ISX: variants seen among roughly 807,000 people sequenced by gnomAD.
ISX encodes the protein intestine-specific homeobox.
Under a neutral mutation model 16.9 loss-of-function variants are expected in ISX, and 15 were observed. The observed-to-expected ratio is 0.89, with a 90% CI of 0.59 to 1.36. The LOEUF (loss-of-function observed/expected upper bound fraction) is 1.36, where lower values mean the gene tolerates loss of function less well. Among genes scored for constraint, ISX ranks in the 40% most tolerant of loss-of-function variants. The pLI, the probability that ISX is intolerant of heterozygous loss-of-function variation, is 0.00. For missense variants in ISX, 316 were observed against 306.1 expected (o/e 1.03, Z -0.24); for synonymous variants, 125 against 119.7 (o/e 1.04, Z -0.29).
rs536527052 is a variant in ISX, at chr22:35,071,288, T to C, written c.229+3972T>C. 3.0e-4 allele frequency among the ~76,000 whole-genome samples: 45 copies of C among 152,384 alleles called. 1 individual carries two copies. The South Asian group carries it at 8.7e-3, about 29-fold the overall frequency. On this transcript the variant is annotated intron_variant, in intron 2 of 4. Transcript: ENST00000404699. ...TCTTCCTCCCTGTATTAATTTTCTA[T>C]GGCTGTTGTAACAAATTACCACAAC...
chr22:35,075,387 ACAT>A (rs1463866400), intron 2 of ISX, among the ~76,000 whole-genome samples: 1 of 152,242 alleles, frequency 6.6e-6, no homozygotes, highest in Non-Finnish European at 1.5e-5. Flanking sequence ...TTATATATGC[ACAT>A]CAGCATTTTT....
chr22:35,085,225 G>T (rs1333736523), intron 4 of ISX, among the ~76,000 whole-genome samples: 1 of 152,118 alleles, frequency 6.6e-6, no homozygotes, highest in Non-Finnish European at 1.5e-5. Flanking sequence ...CTCAAGCCAG[G>T]TTTTAAATCC....
At chr22:35,076,518 C>T (rs1484400022) in intron 2 of ISX, among the ~76,000 whole-genome samples, 1 of 152,166 alleles carries the variant, frequency 6.6e-6, no homozygotes, top group African/African-American at 2.4e-5. Flanking sequence ...CTTCGTGTGT[C>T]AGGAGGTGTC....
At chr22:35,078,762 C>G (rs1929053143) in intron 2 of ISX, among the ~76,000 whole-genome samples, 1 of 152,274 alleles carries the variant, frequency 6.6e-6, no homozygotes, top group Admixed American at 6.5e-5. Flanking sequence ...ACTGAGGCAA[C>G]CGGGCCTGGT....
At chr22:35,078,046 C>T (rs1294092042) in intron 2 of ISX, among the ~76,000 whole-genome samples, 2 of 152,102 alleles carry the variant, frequency 1.3e-5, no homozygotes, top group Non-Finnish European at 2.9e-5. Context: ...ATTTCATTTC[C>T]TGTATTCTGG....
At chr22:35,069,022 A>C (rs1379724213) in intron 2 of ISX, among the ~76,000 whole-genome samples, 2 of 152,206 alleles carry the variant, frequency 1.3e-5, no homozygotes, top group Non-Finnish European at 1.5e-5. Context: ...GGAATTCGGC[A>C]TTTCTGAAAG....
intron 3 of ISX, among the ~76,000 whole-genome samples, chr22:35,083,438 G>A (rs188720040): frequency 6.8e-4 from 103 of 152,258 alleles, no homozygotes; most frequent in South Asian, 1.4e-3. Flanking sequence ...TCTCTTCACC[G>A]CAGTTTATTG....
At position 35,085,667 on chromosome 22, in the gene ISX, G is replaced by A. The variant is rs200613012; in HGVS notation, c.712G>A (p.Gly238Ser). ...CILPPPHPKWGSICATST is the reference protein window; with the variant it reads ...CILPPPHPKWSSICATST ...CCTTCCACCTCCACACCCCAAATGGGGCAGCATCTGTGCTACTTCAACATA... is the reference window on the plus strand; with the variant it reads ...CCTTCCACCTCCACACCCCAAATGGAGCAGCATCTGTGCTACTTCAACATA... The change falls in exon 5 of 5, where the codon GGC becomes AGC. Residue 238 changes from glycine to serine, a missense_variant. Gly to Ser is a moderately conservative substitution (Grantham distance 56). Coordinates refer to ENST00000404699, the MANE Select transcript of ISX (RefSeq NM_001303508.2). 1.2e-6 allele frequency: 2 copies of A among 1,614,120 alleles called. No homozygotes were observed. Among genetic ancestry groups the A allele is most frequent in the East Asian group, 4.5e-5 (2 of 44,872 alleles).
chr22:35,072,175 C>T (rs1422132748), intron 2 of ISX, among the ~76,000 whole-genome samples: 3 of 152,188 alleles, frequency 2.0e-5, no homozygotes, highest in Non-Finnish European at 4.4e-5. Context: ...GACCTTCCTA[C>T]AGGGATACCT....
intron 2 of ISX, among the ~76,000 whole-genome samples, chr22:35,074,561 C>T (rs1044652501): frequency 6.6e-6 from 1 of 152,196 alleles, no homozygotes; most frequent in African/African-American, 2.4e-5. Context: ...AATGTCTATT[C>T]CTCCTGTTTG....
intron 2 of ISX, among the ~76,000 whole-genome samples, chr22:35,069,827 T>C (rs1405993617): frequency 6.6e-6 from 1 of 152,180 alleles, no homozygotes; most frequent in Non-Finnish European, 1.5e-5. Flanking sequence ...GAGGAATAAG[T>C]TCCTCTTTGT....
At chr22:35,077,922 C>A (rs1929027333) in intron 2 of ISX, among the ~76,000 whole-genome samples, 1 of 152,154 alleles carries the variant, frequency 6.6e-6, no homozygotes, top group African/African-American at 2.4e-5. Flanking sequence ...ATTATAGATT[C>A]TATTCTTAGT....
intron 2 of ISX, among the ~76,000 whole-genome samples, chr22:35,080,178 G>A (rs1929091668): frequency 2.0e-5 from 3 of 152,070 alleles, no homozygotes; most frequent in Admixed American, 6.6e-5. Flanking sequence ...ACATGGTGAA[G>A]GCACCGCAAA....
intron 2 of ISX, among the ~76,000 whole-genome samples, chr22:35,077,547 T>G (rs897149064): frequency 2.6e-5 from 4 of 152,114 alleles, no homozygotes; most frequent in Admixed American, 6.5e-5. Context: ...CTCACCAGTA[T>G]GAATTTTAGG....
At chr22:35,084,071 G>A (rs996292236) in intron 3 of ISX, among the ~76,000 whole-genome samples, 1 of 152,264 alleles carries the variant, frequency 6.6e-6, no homozygotes, top group African/African-American at 2.4e-5. Context: ...ATTTCCACGT[G>A]GTGACTGTTG....
chr22:35,073,786 A>G (rs1218808882), intron 2 of ISX, among the ~76,000 whole-genome samples: 2 of 152,242 alleles, frequency 1.3e-5, no homozygotes, highest in East Asian at 3.8e-4. Context: ...TCTAGGAGCC[A>G]GAAAGGAGCC....
At chr22:35,067,826 C>T (rs1928742686) in intron 2 of ISX, among the ~76,000 whole-genome samples, 1 of 152,240 alleles carries the variant, frequency 6.6e-6, no homozygotes, top group Admixed American at 6.5e-5. Context: ...GTCTGCACAA[C>T]TTCCAGGGGC....
At chr22:35,080,117 G>A (rs1422698581) in intron 2 of ISX, among the ~76,000 whole-genome samples, 1 of 152,114 alleles carries the variant, frequency 6.6e-6, no homozygotes, top group Non-Finnish European at 1.5e-5. Context: ...TCCTCCTTCA[G>A]AGGCCTCCCC....
chr22:35,083,723 C>T (rs1307237391), intron 3 of ISX, among the ~76,000 whole-genome samples: 1 of 152,236 alleles, frequency 6.6e-6, no homozygotes, highest in African/African-American at 2.4e-5. Flanking sequence ...CCACTCATGT[C>T]TAAGACTTCT....
Sources: gnomAD v4.1 joint callset for allele counts (sites outside exome capture counted in the v4.1 genomes callset) on GRCh38, gnomAD v4.1.1 for gene constraint, MANE v1.5 for transcripts, NCBI Gene and HGNC (gene_info 2026-07-23, HGNC 2026-07-21) for gene names.